Variants in PLD5 observed in about 807,000 individuals in gnomAD.
PLD5 encodes the protein inactive phospholipase D5.
Under a neutral mutation model 61.1 loss-of-function variants are expected in PLD5, and 36 were observed. The observed-to-expected ratio is 0.59, with a 90% CI of 0.45 to 0.78. PLD5 has a LOEUF of 0.78. PLD5 is among the 30% of genes least tolerant of loss of function. The pLI is 0.00. For missense variants in PLD5, 515 were observed against 644.4 expected, an observed-to-expected ratio of 0.80 and a Z score of 2.17; for synonymous variants, 243 against 242.8, an observed-to-expected ratio of 1.00 and a Z score of -0.01.
intron 1 of PLD5, among the ~76,000 whole-genome samples, chr1:242,494,878 C>CTTTTTTTTTTTTTTTTTTTTTT (rs556893161): frequency 1.3e-4 from 18 of 135,890 alleles, no homozygotes; most frequent in East Asian, 4.5e-4. Flanking sequence ...TTTTTCTTTT[C>CTTTTTTTTTTTTTTTTTTTTTT]TGTTTTTTTT....
intron 2 of PLD5, among the ~76,000 whole-genome samples, chr1:242,346,987 T>TG (rs1321302473): frequency 2.0e-5 from 3 of 152,358 alleles, no homozygotes; most frequent in African/African-American, 7.2e-5. Flanking sequence ...GACGTGATCT[T>TG]GTTCCTTTTT....
chr1:242,284,788 A>G (rs1205561176), intron 3 of PLD5, among the ~76,000 whole-genome samples: 1 of 152,156 alleles, frequency 6.6e-6, no homozygotes, highest in Non-Finnish European at 1.5e-5. Flanking sequence ...ATGGCCAGGG[A>G]CAGACAGGTA....
At chr1:242,132,988 T>G (rs1255426987) in intron 5 of PLD5, among the ~76,000 whole-genome samples, 1 of 151,606 alleles carries the variant, frequency 6.6e-6, no homozygotes, top group Non-Finnish European at 1.5e-5. Context: ...TCAGAGGCTA[T>G]TCCCTTTGCA....
chr1:242,159,769 T>G (rs1443071955), intron 5 of PLD5, among the ~76,000 whole-genome samples: 1 of 152,116 alleles, frequency 6.6e-6, no homozygotes, highest in East Asian at 1.9e-4. Flanking sequence ...CCAGGTAGGA[T>G]TTCATGCCTT....
intron 2 of PLD5, among the ~76,000 whole-genome samples, chr1:242,301,841 G>A (rs936927545): frequency 6.0e-5 from 9 of 151,250 alleles, no homozygotes; most frequent in Non-Finnish European, 1.5e-5. Context: ...GCAATGGTGA[G>A]ATCTTGGCTC....
chr1:242,184,050 G>T (rs172738), intron 5 of PLD5, among the ~76,000 whole-genome samples: 127,741 of 152,222 alleles, frequency 0.84, 54,108 homozygotes, highest in African/African-American at 0.95. Flanking sequence ...CCACAGTTAC[G>T]CACTAATGGG....
intron 1 of PLD5, among the ~76,000 whole-genome samples, chr1:242,484,416 G>T (rs1667887588): frequency 6.6e-6 from 1 of 152,156 alleles, no homozygotes; most frequent in Non-Finnish European, 1.5e-5. Context: ...TACCATCAGA[G>T]AATACTATAA....
chr1:242,168,988 T>TA (rs1323414378), intron 5 of PLD5, among the ~76,000 whole-genome samples: 1 of 151,662 alleles, frequency 6.6e-6, no homozygotes, highest in Non-Finnish European at 1.5e-5. Flanking sequence ...ACAACATACG[T>TA]AATTAAGAAT....
At chr1:242,308,104 T>G (rs1676481529) in intron 2 of PLD5, among the ~76,000 whole-genome samples, 1 of 152,172 alleles carries the variant, frequency 6.6e-6, no homozygotes, top group South Asian at 2.1e-4. Context: ...GCAATAAACT[T>G]TTCATTCATA....
chr1:242,463,546 C>T, intron 1 of PLD5, among the ~76,000 whole-genome samples: 1 of 152,114 alleles, frequency 6.6e-6, no homozygotes, highest in South Asian at 2.1e-4. Context: ...CTCTCTCATT[C>T]TTACCCTCAG....
At chr1:242,095,527 C>T (rs542395222) in intron 9 of PLD5, among the ~76,000 whole-genome samples, 15 of 152,174 alleles carry the variant, frequency 9.9e-5, no homozygotes, top group African/African-American at 2.6e-4. Context: ...CCACCACGCC[C>T]GGCCTAAAAC....
chr1:242,123,313 A>G (rs1370707366), intron 6 of PLD5, among the ~76,000 whole-genome samples: 1 of 152,222 alleles, frequency 6.6e-6, no homozygotes, highest in African/African-American at 2.4e-5. Context: ...TTTGAATATT[A>G]AACATTGAAA....
At chr1:242,113,315 G>C (rs1381707715) in intron 7 of PLD5, among the ~76,000 whole-genome samples, 2 of 151,916 alleles carry the variant, frequency 1.3e-5, no homozygotes, top group Admixed American at 6.6e-5. Context: ...GGATGGTCTC[G>C]ATCTCCTGAC....
intron 1 of PLD5, among the ~76,000 whole-genome samples, chr1:242,420,544 G>A (rs1454043964): frequency 1.3e-5 from 2 of 152,138 alleles, no homozygotes; most frequent in East Asian, 1.9e-4. Context: ...TTATGATGCA[G>A]CTGAATGGCA....
intron 2 of PLD5, among the ~76,000 whole-genome samples, chr1:242,326,615 C>T (rs899186788): frequency 6.6e-6 from 1 of 152,142 alleles, no homozygotes; most frequent in African/African-American, 2.4e-5. Flanking sequence ...CTGCTTGAAA[C>T]TTTGCACTGC....
chr1:242,394,465 AAC>A lies in PLD5; in HGVS notation c.190-46225_190-46224del, dbSNP rs1382728902. On this transcript the variant is annotated intron_variant, in intron 1 of 9. Coordinates refer to ENST00000536534, the MANE Select transcript of PLD5 (RefSeq NM_001372062.1). ...ATGTGTGTATATGAGTATATATGTG[AAC>A]ATATATATGTGTATATATGTGAACA... 3.9e-4 allele frequency among the ~76,000 whole-genome samples: 21 copies of A among 53,922 alleles called. 2 individuals are homozygous for A. The highest frequency in any genetic ancestry group is 2.2e-3 in the African/African-American group (21 of 9,428). 35.4% of individuals were successfully genotyped at this position (53,922 alleles called of 152,430 possible). A position where few individuals can be genotyped will look rare whatever the true frequency, so the allele number is the denominator to read the frequency against.
intron 7 of PLD5, among the ~76,000 whole-genome samples, chr1:242,108,255 C>A (rs1474843788): frequency 6.7e-6 from 1 of 149,850 alleles, no homozygotes; most frequent in African/African-American, 2.6e-5. Context: ...TGGTGATTGT[C>A]CCCGAAATGA....
At chr1:242,493,721 G>A (rs1668251473) in intron 1 of PLD5, among the ~76,000 whole-genome samples, 1 of 152,092 alleles carries the variant, frequency 6.6e-6, no homozygotes, top group East Asian at 1.9e-4. Flanking sequence ...GCCCTCTGGG[G>A]CCTCCAGCAG....
intron 1 of PLD5, chr1:242,449,575 T>C: frequency 1.4e-6 from 2 of 1,391,200 alleles, no homozygotes; most frequent in Non-Finnish European, 1.9e-6. Context: ...CAGCTTGCAA[T>C]TTCAGAATTT....
Sources: allele counts gnomAD v4.1 joint callset (sites outside exome capture counted in the v4.1 genomes callset), GRCh38; gene constraint gnomAD v4.1.1; transcripts MANE v1.5; gene names NCBI Gene and HGNC (gene_info 2026-07-23, HGNC 2026-07-21).